FHIT: variants seen among roughly 807,000 people sequenced by gnomAD.
FHIT encodes the protein fragile histidine triad diadenosine triphosphatase.
In FHIT, 19 loss-of-function variants were observed where a neutral mutation model predicts 17.9. That is an observed-to-expected ratio of 1.06 (90% confidence interval 0.74 to 1.56). FHIT has a LOEUF of 1.56. FHIT is among the 40% of genes most tolerant of loss of function. The pLI, the probability that FHIT is intolerant of heterozygous loss-of-function variation, is 0.00. For missense variants in FHIT, 248 were observed against 189.2 expected, an observed-to-expected ratio of 1.31 and a Z score of -1.82; for synonymous variants, 81 against 69.7, an observed-to-expected ratio of 1.16 and a Z score of -0.81.
intron 5 of FHIT, among the ~76,000 whole-genome samples, chr3:60,065,677 C>G (rs1393965233): frequency 6.6e-6 from 1 of 152,176 alleles, no homozygotes; most frequent in African/African-American, 2.4e-5. Context: ...TTATTTTGCA[C>G]TGAATTACAC....
At chr3:60,071,936 T>C (rs887103270) in intron 5 of FHIT, among the ~76,000 whole-genome samples, 1 of 152,162 alleles carries the variant, frequency 6.6e-6, no homozygotes, top group Non-Finnish European at 1.5e-5. Context: ...AGACGTTCCT[T>C]TGCTTCTCTT....
At chr3:60,199,569 G>T (rs1010622579) in intron 5 of FHIT, among the ~76,000 whole-genome samples, 1 of 152,214 alleles carries the variant, frequency 6.6e-6, no homozygotes, top group East Asian at 1.9e-4. Flanking sequence ...GGGTAATAGC[G>T]AGAGAATTAA....
intron 5 of FHIT, among the ~76,000 whole-genome samples, chr3:60,235,459 T>C (rs1047809619): frequency 6.6e-6 from 1 of 152,172 alleles, no homozygotes. Context: ...CTCGAACTCC[T>C]GACCTCGTGA....
chr3:59,883,055 TA>T (rs1240447189), intron 8 of FHIT, among the ~76,000 whole-genome samples: 1 of 152,168 alleles, frequency 6.6e-6, no homozygotes, highest in Admixed American at 6.5e-5. Context: ...AAGGAGGATA[TA>T]AGCAGTGATG....
At chr3:61,215,164 C>G (rs984109729) in intron 1 of FHIT, among the ~76,000 whole-genome samples, 6 of 152,062 alleles carry the variant, frequency 3.9e-5, no homozygotes, top group African/African-American at 1.4e-4. Flanking sequence ...CCAGGGCAAT[C>G]AGGCAGGAGA....
At chr3:59,783,806 A>T (rs1702715724) in intron 8 of FHIT, among the ~76,000 whole-genome samples, 1 of 152,054 alleles carries the variant, frequency 6.6e-6, no homozygotes, top group African/African-American at 2.4e-5. Flanking sequence ...ACCAGTGAAA[A>T]ACCAATGTCT....
In FHIT at chr3:60,107,167, T is replaced by A. The variant is rs981986174; in HGVS notation, c.104-93015A>T. Among the ~76,000 whole-genome samples, 148 of 126,518 alleles carry A rather than the reference T, an allele frequency of 1.2e-3. 1 individual carries two copies. Among genetic ancestry groups the A allele is most frequent in the South Asian group, 2.9e-3 (11 of 3,808 alleles). 83.0% of individuals were successfully genotyped at this position (126,518 alleles called of 152,430 possible). On this transcript the variant is annotated intron_variant, in intron 5 of 9. Transcript: ENST00000492590. Reference sequence around the variant, plus strand: ...CTTTAATTCTTTTTTTTTTTTTTTTTTTTTTGTACACAAAGGACTCTTTTG... The same window carrying A: ...CTTTAATTCTTTTTTTTTTTTTTTTATTTTTGTACACAAAGGACTCTTTTG...
At position 61,247,380 on chromosome 3, in the gene FHIT, C is replaced by G. The variant is rs554510099; in HGVS notation, c.-213+3921G>C. 2.0e-5 allele frequency among the ~76,000 whole-genome samples: 3 copies of G among 152,306 alleles called. No individual in the cohort carries two copies. In the East Asian group the frequency reaches 5.8e-4, roughly 29 times the overall value. On this transcript the variant is annotated intron_variant, in intron 1 of 9. Coordinates refer to ENST00000492590, the MANE Select transcript of FHIT (RefSeq NM_002012.4). The stretch of plus-strand genomic sequence containing the variant: ...CCACGGTCATTGCCCCAGGATTACT[C>G]ACCAGCTGGATGACAACTGCCTCAC...
At chr3:60,553,389 C>A (rs1224263669) in intron 4 of FHIT, 1 of 979,610 alleles carries the variant, frequency 1.0e-6, no homozygotes, top group African/African-American at 1.8e-5. Flanking sequence ...CCCCTTCTTC[C>A]ACTGATTGAT....
chr3:60,817,127 C>A (rs983419525), intron 4 of FHIT, among the ~76,000 whole-genome samples: 3 of 151,866 alleles, frequency 2.0e-5, no homozygotes, highest in Admixed American at 6.6e-5. Flanking sequence ...AATTGGAAAA[C>A]CTTGCAACTG....
At chr3:61,151,868 C>A (rs952483810) in intron 2 of FHIT, among the ~76,000 whole-genome samples, 1 of 152,144 alleles carries the variant, frequency 6.6e-6, no homozygotes, top group Non-Finnish European at 1.5e-5. Context: ...TAGGCATAAA[C>A]CACCACTCTC....
At chr3:60,124,027 G>GAGAC (rs1705412388) in intron 5 of FHIT, among the ~76,000 whole-genome samples, 3 of 101,432 alleles carry the variant, frequency 3.0e-5, no homozygotes. Context: ...GAGAGAGAGA[G>GAGAC]AGAGAGAGAG....
intron 5 of FHIT, among the ~76,000 whole-genome samples, chr3:60,306,235 G>T (rs185238838): frequency 6.6e-6 from 1 of 152,122 alleles, no homozygotes; most frequent in African/African-American, 2.4e-5. Context: ...GCAAAACTCA[G>T]CAGACTATGG....
intron 4 of FHIT, among the ~76,000 whole-genome samples, chr3:60,558,754 T>A (rs2036830101): frequency 6.6e-6 from 1 of 152,132 alleles, no homozygotes; most frequent in African/African-American, 2.4e-5. Flanking sequence ...CTATGACATG[T>A]TCTCCTGCAG....
intron 5 of FHIT, among the ~76,000 whole-genome samples, chr3:60,500,231 T>C (rs1217057397): frequency 6.6e-6 from 1 of 152,190 alleles, no homozygotes; most frequent in Admixed American, 6.5e-5. Context: ...GCTTTCACAC[T>C]AGAATGGCCT....
At chr3:59,857,705 GTTTTT>G (rs78150569) in intron 8 of FHIT, among the ~76,000 whole-genome samples, 1 of 115,434 alleles carries the variant, frequency 8.7e-6, no homozygotes, top group African/African-American at 3.6e-5. Context: ...AAAGTGCTGG[GTTTTT>G]TTTTTTTTTT....
chr3:61,019,982 A>T (rs1359742979), intron 3 of FHIT, among the ~76,000 whole-genome samples: 1 of 152,162 alleles, frequency 6.6e-6, no homozygotes, highest in Non-Finnish European at 1.5e-5. Context: ...TGTCATCTAC[A>T]TTAGGTATTT....
At chr3:59,856,321 A>AT (rs920887483) in intron 8 of FHIT, among the ~76,000 whole-genome samples, 1 of 152,044 alleles carries the variant, frequency 6.6e-6, no homozygotes, top group Non-Finnish European at 1.5e-5. Context: ...AATTGTTAAA[A>AT]TTTTTTTTGC....
chr3:61,200,454 A>G (rs1402937161), intron 2 of FHIT, among the ~76,000 whole-genome samples, 163 bp downstream of exon 2: 2 of 152,220 alleles, frequency 1.3e-5, no homozygotes, highest in Non-Finnish European at 1.5e-5. Flanking sequence ...GCTCTCTGCT[A>G]ACTATTGCTC....
Sources: allele counts gnomAD v4.1 joint callset (sites outside exome capture counted in the v4.1 genomes callset), GRCh38; gene constraint gnomAD v4.1.1; transcripts MANE v1.5; gene names NCBI Gene and HGNC (gene_info 2026-07-23, HGNC 2026-07-21).